LHFPL3: variants seen among roughly 807,000 people sequenced by gnomAD.
The protein encoded by LHFPL3 is LHFPL tetraspan subfamily member 3 protein.
In LHFPL3, 5 loss-of-function variants were observed where a neutral mutation model predicts 19.3. The observed-to-expected ratio is 0.26, with a 90% CI of 0.14 to 0.54. The LOEUF (loss-of-function observed/expected upper bound fraction) is 0.54. Ranked by LOEUF, LHFPL3 falls within the 20% of genes least tolerant of loss-of-function variation. The probability of loss-of-function intolerance (pLI) is 0.94; values close to 1 mark genes in which losing one functional copy is unlikely to be tolerated. For synonymous variants in LHFPL3, 133 were observed against 126.2 expected (o/e 1.05, Z -0.36); for missense variants, 249 against 307.4 (o/e 0.81, Z 1.42).
At chr7:104,721,309 G>A (rs1284292035) in intron 1 of LHFPL3, among the ~76,000 whole-genome samples, 1 of 152,134 alleles carries the variant, frequency 6.6e-6, no homozygotes, top group East Asian at 1.9e-4. Flanking sequence ...AACACCGCAT[G>A]CTCTCCCTCA....
chr7:104,744,272 T>C (rs1445227974), intron 2 of LHFPL3: 1 of 152,216 alleles, frequency 6.6e-6, no homozygotes, highest in African/African-American at 2.4e-5. Context: ...GAATGAGGAA[T>C]AGCCTTTGAA....
intron 2 of LHFPL3, among the ~76,000 whole-genome samples, chr7:104,806,734 A>G (rs191818163): frequency 1.9e-4 from 29 of 152,340 alleles, no homozygotes; most frequent in Non-Finnish European, 3.8e-4. Context: ...TGTGAACAAA[A>G]TATTTCCAAG....
chr7:104,534,681 A>G (rs1794362172), intron 1 of LHFPL3, among the ~76,000 whole-genome samples: 1 of 152,216 alleles, frequency 6.6e-6, no homozygotes, highest in African/African-American at 2.4e-5. Context: ...AGTACTAGAC[A>G]AAATAATTTC....
intron 1 of LHFPL3, among the ~76,000 whole-genome samples, chr7:104,608,522 G>A (rs1791150116): frequency 6.7e-6 from 1 of 149,330 alleles, no homozygotes; most frequent in Admixed American, 6.7e-5. Context: ...GGGAGGGATA[G>A]CATTAGGAGA....
chr7:104,519,483 T>G (rs181363828), intron 1 of LHFPL3, among the ~76,000 whole-genome samples: 2 of 152,286 alleles, frequency 1.3e-5, no homozygotes, highest in Non-Finnish European at 2.9e-5. Context: ...AGCATTTTGA[T>G]AGATGTACAT....
In LHFPL3 at chr7:104,670,164, G is replaced by T. The variant is rs368123856; in HGVS notation, c.446-66511G>T. The stretch of plus-strand genomic sequence containing the variant: ...TTTTTTTTTTTTTTTTTACCCCCAA[G>T]GGGGTTAGTTGGGAGTGAGACTATA... On this transcript the variant is annotated intron_variant, in intron 1 of 2. Coordinates refer to ENST00000424859, the MANE Select transcript of LHFPL3 (RefSeq NM_199000.3). Among the ~76,000 whole-genome samples the T allele has an allele frequency of 1.9e-3, 283 of 150,704 alleles. 1 individual carries two copies. The highest frequency in any genetic ancestry group is 6.2e-3 in the African/African-American group (252 of 40,958).
At chr7:104,678,475 C>T (rs1792634027) in intron 1 of LHFPL3, among the ~76,000 whole-genome samples, 1 of 152,178 alleles carries the variant, frequency 6.6e-6, no homozygotes, top group South Asian at 2.1e-4. Context: ...TCTGGTACCT[C>T]GTTTTGTGGC....
intron 1 of LHFPL3, among the ~76,000 whole-genome samples, chr7:104,597,625 C>G (rs1465687249): frequency 1.3e-5 from 2 of 152,154 alleles, no homozygotes; most frequent in African/African-American, 4.8e-5. Context: ...TAATTGAAGT[C>G]TGAAATGGAA....
chr7:104,415,470 C>A (rs898880900), intron 1 of LHFPL3, among the ~76,000 whole-genome samples: 3 of 151,980 alleles, frequency 2.0e-5, no homozygotes, highest in African/African-American at 4.8e-5. Context: ...TGTTTCTTTC[C>A]TTCCCATCCC....
intron 1 of LHFPL3, among the ~76,000 whole-genome samples, chr7:104,654,215 G>A (rs181583879): frequency 2.6e-5 from 4 of 152,274 alleles, no homozygotes; most frequent in Admixed American, 6.5e-5. Flanking sequence ...TGTCCATGAC[G>A]TCATGCTGGT....
chr7:104,892,283 T>C (rs974108120), intron 2 of LHFPL3, among the ~76,000 whole-genome samples: 1 of 152,244 alleles, frequency 6.6e-6, no homozygotes, highest in Non-Finnish European at 1.5e-5. Flanking sequence ...TTTAGCTTTT[T>C]ATTTCCAAGG....
At chr7:104,668,556 A>G in intron 1 of LHFPL3, 1 of 1,613,090 alleles carries the variant, frequency 6.2e-7, no homozygotes, top group Non-Finnish European at 8.5e-7. Flanking sequence ...TGATTCCCGG[A>G]TAGGCAGTGG....
At chr7:104,422,898 A>G (rs1249970498) in intron 1 of LHFPL3, among the ~76,000 whole-genome samples, 1 of 152,208 alleles carries the variant, frequency 6.6e-6, no homozygotes, top group Non-Finnish European at 1.5e-5. Flanking sequence ...CTCAGAGGCT[A>G]TTGGGAGAGA....
intron 2 of LHFPL3, among the ~76,000 whole-genome samples, chr7:104,829,251 C>T (rs1040679647): frequency 1.3e-5 from 2 of 151,592 alleles, no homozygotes; most frequent in Admixed American, 1.3e-4. Context: ...GAAATGGGGG[C>T]ATATAAAGGA....
At chr7:104,690,119 C>G (rs767218740) in intron 1 of LHFPL3, among the ~76,000 whole-genome samples, 4 of 152,266 alleles carry the variant, frequency 2.6e-5, no homozygotes, top group Non-Finnish European at 5.9e-5. Context: ...AACACATCCC[C>G]ATTCAACTCT....
At chr7:104,409,543 G>A (rs912304561) in intron 1 of LHFPL3, among the ~76,000 whole-genome samples, 1 of 152,068 alleles carries the variant, frequency 6.6e-6, no homozygotes, top group Non-Finnish European at 1.5e-5. Context: ...TTGAGCAAGG[G>A]AGGTCAAGGC....
At chr7:104,385,952 A>T (rs953849137) in intron 1 of LHFPL3, among the ~76,000 whole-genome samples, 4 of 152,100 alleles carry the variant, frequency 2.6e-5, no homozygotes, top group African/African-American at 9.7e-5. Flanking sequence ...AAAAAAAAAA[A>T]TCATCAAAAT....
intron 2 of LHFPL3, chr7:104,845,282 A>G (rs1010558331): frequency 2.7e-6 from 2 of 735,120 alleles, no homozygotes; most frequent in Admixed American, 4.0e-5. Flanking sequence ...CCGTCAATGG[A>G]ATAGCCAGGA....
At chr7:104,491,006 C>T (rs1793334225) in intron 1 of LHFPL3, among the ~76,000 whole-genome samples, 1 of 152,096 alleles carries the variant, frequency 6.6e-6, no homozygotes, top group South Asian at 2.1e-4. Context: ...CTGTACAGAA[C>T]TTGGAATCTT....
Sources: allele counts gnomAD v4.1 joint callset (sites outside exome capture counted in the v4.1 genomes callset), GRCh38; gene constraint gnomAD v4.1.1; transcripts MANE v1.5; gene names NCBI Gene and HGNC (gene_info 2026-07-23, HGNC 2026-07-21).